VIRMA: variants seen among roughly 807,000 people sequenced by gnomAD.
VIRMA encodes the protein protein virilizer homolog.
VIRMA carries 65 observed loss-of-function variants against 182.4 expected under a neutral mutation model. That is an observed-to-expected ratio of 0.36 (90% confidence interval 0.29 to 0.44). VIRMA has a LOEUF of 0.44. Among genes scored for constraint, VIRMA ranks in the 20% least tolerant of loss-of-function variants. VIRMA has a pLI of 1.00. For synonymous variants in VIRMA, 709 were observed against 743.1 expected (o/e 0.95, Z 0.75); for missense variants, 1,752 against 2,158.1 (o/e 0.81, Z 3.73).
chr8:94,524,416 T>TGCC (rs1814883508), intron 8 of VIRMA, among the ~76,000 whole-genome samples: 1 of 152,138 alleles, frequency 6.6e-6, no homozygotes, highest in African/African-American at 2.4e-5. Flanking sequence ...ATGATTCTCC[T>TGCC]GCCTCAGCCT....
In VIRMA at chr8:94,534,873, C is replaced by T. The variant is rs1815286287; in HGVS notation, c.450G>A (p.Gln150=). Reference sequence around the variant, plus strand: ...GATTCCTTTTCAAACTTGGTTGTGGCTGGGGAGGTGGTGGCGGTGGAGGTG... The same window carrying T: ...GATTCCTTTTCAAACTTGGTTGTGGTTGGGGAGGTGGTGGCGGTGGAGGTG... The part of the protein sequence containing the change: ...PPPPPPPPPP[Q]PQPSLKRNPK... Residue 150 remains glutamine (Q), a synonymous_variant, in exon 5 of 24, where the codon CAG becomes CAA. Transcript: ENST00000297591. 4 of 1,597,420 alleles carry T rather than the reference C, an allele frequency of 2.5e-6. No individual in the cohort carries two copies. The South Asian group carries it at 4.4e-5, about 18-fold the overall frequency.
At chr8:94,500,052 CA>C (rs6150715) in intron 16 of VIRMA, among the ~76,000 whole-genome samples, 36,496 of 82,408 alleles carry the variant, frequency 0.44, 4,872 homozygotes, top group Non-Finnish European at 0.47. Context: ...GGCTTCATCT[CA>C]AAAAAAAAAA....
chr8:94,511,213 G>A lies in VIRMA; in HGVS notation c.3362C>T (p.Pro1121Leu), dbSNP rs1215393660. The A allele has an allele frequency of 2.5e-6, 4 of 1,613,916 alleles. No individual in the cohort carries two copies. The highest frequency in any genetic ancestry group is 2.2e-5 in the East Asian group (1 of 44,860). Residue 1121 changes from proline to leucine, a missense_variant, in exon 13 of 24, where the codon CCT becomes CTT. Around this residue, in one of 11 missense-constraint regions of VIRMA, gnomAD observed 777 missense variants for 920.6 expected, o/e 0.84. Transcript: ENST00000297591. ...SGLILLSELL[P>L]LPLPMQTTQV... Reference sequence around the variant, plus strand: ...AGTTGTTTGCATGGGCAATGGAAGAGGCAGCAGCTCTGAAAGGAGTATGAG... The same window carrying A: ...AGTTGTTTGCATGGGCAATGGAAGAAGCAGCAGCTCTGAAAGGAGTATGAG...
chr8:94,527,985 C>A (rs183530559), intron 7 of VIRMA, among the ~76,000 whole-genome samples: 22 of 152,158 alleles, frequency 1.4e-4, no homozygotes, highest in Admixed American at 1.2e-3. Context: ...GTAATCCCAG[C>A]ACTTTGGGAG....
intron 18 of VIRMA, 47 bp downstream of exon 18, chr8:94,496,281 T>A: frequency 6.5e-7 from 1 of 1,545,218 alleles, no homozygotes; most frequent in Non-Finnish European, 8.8e-7. Flanking sequence ...CTAGTCAAAC[T>A]GAGAGGAAAA....
chr8:94,500,052 C>CAAAA (rs6150715), intron 16 of VIRMA, among the ~76,000 whole-genome samples: 2 of 82,514 alleles, frequency 2.4e-5, no homozygotes, highest in Admixed American at 1.6e-4. Flanking sequence ...GGCTTCATCT[C>CAAAA]AAAAAAAAAA....
In VIRMA at chr8:94,529,216, T is replaced by C; in HGVS notation, c.734A>G (p.Gln245Arg). Residue 245 changes from glutamine to arginine, a missense_variant, in exon 7 of 24, where the codon CAA becomes CGA. Gln to Arg is a conservative substitution (Grantham distance 43, BLOSUM62 1). This residue lies in a region of VIRMA where 114 missense variants were observed against 106.9 expected (regional missense o/e 1.07). Transcript: ENST00000297591. ...ATCTTCATCTTCTTCTCCTTCTTCT[T>C]GTTGTTCCTCTTCTACTTCTCCTTC... The part of the protein sequence containing the change: ...SDEGEVEEEQ[Q>R]EEGEEDEDDV... The C allele has an allele frequency of 6.5e-7, 1 of 1,537,326 alleles. No individual in the cohort carries two copies. The highest frequency in any genetic ancestry group is 1.7e-4 in the Middle Eastern group (1 of 5,930).
At chr8:94,553,270 T>C (rs1406910983) in intron 1 of VIRMA, 115 bp downstream of exon 1, 26 of 1,049,416 alleles carry the variant, frequency 2.5e-5, no homozygotes, top group Admixed American at 3.5e-5. Context: ...TGTCTGTGTG[T>C]AAGCGAGAAA....
Position 94,510,471 on chromosome 8 carries a change from G to C in VIRMA, c.3572C>G (p.Thr1191Ser), listed in dbSNP as rs765578576. The C allele has an allele frequency of 6.2e-7, 1 of 1,614,092 alleles. No individual in the cohort carries two copies. The highest frequency in any genetic ancestry group is 1.1e-5 in the South Asian group (1 of 91,084). ...CVQLCDLASP[T>S]ALLIMRTVLD... is the part of the protein sequence containing the mutation. ...CACAGTTCTCATAATCAGAAGTGCA[G>C]TTGGTGAGGCAAGGTCACACAATTG... is the stretch of plus-strand genomic sequence containing the variant. The change falls in exon 14 of 24, where the codon ACT becomes AGT. Residue 1191 changes from threonine to serine, a missense_variant. Physicochemically the swap from Thr to Ser is moderately conservative, Grantham distance 58. Coordinates refer to ENST00000297591, the MANE Select transcript of VIRMA (RefSeq NM_015496.5).
At chr8:94,499,929 AT>A (rs987199247) in intron 16 of VIRMA, among the ~76,000 whole-genome samples, 3 of 151,770 alleles carry the variant, frequency 2.0e-5, no homozygotes, top group African/African-American at 7.3e-5. Context: ...CACACCTGCA[AT>A]CCCAGCTACT....
intron 1 of VIRMA, among the ~76,000 whole-genome samples, chr8:94,548,130 G>C (rs537685959): frequency 6.6e-6 from 1 of 150,678 alleles, no homozygotes; most frequent in Non-Finnish European, 1.5e-5. Flanking sequence ...AAGATGGTTA[G>C]GGGACAGTGA....
Position 94,502,562 on chromosome 8 carries a change from A to AT in VIRMA, c.4098-3057dup, listed in dbSNP as rs562157595. On this transcript the variant is annotated intron_variant, in intron 16 of 23. Coordinates refer to ENST00000297591, the MANE Select transcript of VIRMA (RefSeq NM_015496.5). Reference sequence around the variant, plus strand: ...GTGTGATGAATTAGGACACATACGTATATTTCCCAGCTCTATCCAATGAGA... The same window carrying AT: ...GTGTGATGAATTAGGACACATACGTATTATTTCCCAGCTCTATCCAATGAGA... 9.5e-4 allele frequency among the ~76,000 whole-genome samples: 144 copies of AT among 152,256 alleles called. 1 individual carries two copies. Among genetic ancestry groups the AT allele is most frequent in the African/African-American group, 3.3e-3 (138 of 41,572 alleles).
At chr8:94,540,142 T>C (rs1815487789) in intron 2 of VIRMA, among the ~76,000 whole-genome samples, 1 of 152,220 alleles carries the variant, frequency 6.6e-6, no homozygotes, top group Non-Finnish European at 1.5e-5. Flanking sequence ...ACAGATTTTT[T>C]TCAAGAGGAT....
intron 2 of VIRMA, among the ~76,000 whole-genome samples, chr8:94,540,627 G>C (rs886946053): frequency 2.6e-5 from 4 of 151,710 alleles, no homozygotes; most frequent in African/African-American, 9.7e-5. Flanking sequence ...AGGCCCAGCT[G>C]ATTTTTGTAT....
intron 8 of VIRMA, among the ~76,000 whole-genome samples, chr8:94,521,284 TTGTAAGTGAGAACA>T (rs1329890710): frequency 6.6e-5 from 10 of 152,136 alleles, no homozygotes; most frequent in African/African-American, 2.4e-4. Flanking sequence ...CAGCTCCCAC[TTGTAAGTGAGAACA>T]TGCAGTATTT....
chr8:94,515,879 C>T (rs1814543786), intron 10 of VIRMA, among the ~76,000 whole-genome samples: 1 of 151,666 alleles, frequency 6.6e-6, no homozygotes, highest in African/African-American at 2.4e-5. Context: ...GGGTGGATCA[C>T]GAGATCGACA....
At chr8:94,507,102 T>C (rs1030643305) in intron 15 of VIRMA, among the ~76,000 whole-genome samples, 1 of 151,654 alleles carries the variant, frequency 6.6e-6, no homozygotes. Context: ...TCTTTTTTGG[T>C]TTATAAAGAA....
intron 5 of VIRMA, chr8:94,533,522 G>C (rs2130366466): frequency 6.6e-6 from 1 of 152,170 alleles, no homozygotes; most frequent in East Asian, 1.9e-4. Context: ...ACTCATTGCA[G>C]CCTCAACTTC....
intron 18 of VIRMA, 42 bp downstream of exon 18, chr8:94,496,286 G>C: frequency 1.3e-6 from 2 of 1,559,014 alleles, no homozygotes; most frequent in East Asian, 2.2e-5. Flanking sequence ...CAAACTGAGA[G>C]GAAAATAGGC....
Sources: gnomAD v4.1 joint callset for allele counts (sites outside exome capture counted in the v4.1 genomes callset) on GRCh38, gnomAD v4.1.1 for gene constraint, gnomAD v4.1.1 regional missense constraint, MANE v1.5 for transcripts, NCBI Gene and HGNC (gene_info 2026-07-23, HGNC 2026-07-21) for gene names.